Variants in DNA2 observed in about 807,000 individuals in gnomAD.
The protein encoded by DNA2 is DNA replication ATP-dependent helicase/nuclease DNA2.
DNA2 carries 101 observed loss-of-function variants against 119.1 expected under a neutral mutation model. That is an observed-to-expected ratio of 0.85 (90% CI 0.72 to 1.00). The LOEUF (loss-of-function observed/expected upper bound fraction) is 1.00, where lower values mean the gene tolerates loss of function less well. DNA2 is among the 50% of genes least tolerant of loss of function. The pLI is 0.00. For missense variants in DNA2, 1,121 were observed against 1,255.5 expected (o/e 0.89, Z 1.62); for synonymous variants, 366 against 424.4 (o/e 0.86, Z 1.69).
intron 1 of DNA2, 50 bp downstream of exon 1, chr10:68,471,741 T>C: frequency 6.6e-7 from 1 of 1,517,612 alleles, no homozygotes; most frequent in Non-Finnish European, 8.8e-7. Context: ...TCCCGCTCCT[T>C]CTTTCAAATC....
rs1472030540 is a variant in DNA2 at position 68,465,721 on chromosome 10, T to G, written c.533A>C (p.Lys178Thr). Residue 178 changes from lysine to threonine, a missense_variant, in exon 4 of 21, where the codon AAG (lysine) becomes ACG (threonine). Transcript: ENST00000358410. ...TGTTTGAAAAGCAAGTTCTTGTAGC[T>G]TTTCTGGGGCAAAGCTATTATTTAT... The part of the protein sequence containing the change: ...KAINNSFAPE[K>T]LQELAFQTIQ... 1.2e-6 allele frequency: 2 copies of G among 1,608,782 alleles called. No individual in the cohort carries two copies. Among genetic ancestry groups the G allele is most frequent in the Non-Finnish European group, 1.7e-6 (2 of 1,177,980 alleles).
chr10:68,424,719 G>A (rs1287048871), intron 14 of DNA2: 27 of 1,597,146 alleles, frequency 1.7e-5, no homozygotes, highest in Middle Eastern at 1.7e-4. Context: ...CAAGGACGAC[G>A]AGGTCCAGGT....
intron 7 of DNA2, 94 bp from the exon 8 acceptor site, chr10:68,445,177 T>G: frequency 1.7e-6 from 2 of 1,195,226 alleles, no homozygotes; most frequent in Non-Finnish European, 2.3e-6. Flanking sequence ...TTTAAAAACA[T>G]TTTAGGGCCG....
intron 10 of DNA2, among the ~76,000 whole-genome samples, chr10:68,433,795 A>T (rs573549958): frequency 6.6e-6 from 1 of 152,088 alleles, no homozygotes; most frequent in African/African-American, 2.4e-5. Context: ...TGATCTAATT[A>T]CTCTCTTCCT....
At chr10:68,448,932 GGT>G (rs776191186) in intron 6 of DNA2, among the ~76,000 whole-genome samples, 42,073 of 141,928 alleles carry the variant, frequency 0.3, 7,537 homozygotes, top group Middle Eastern at 0.41. Flanking sequence ...CACCACACCA[GGT>G]GTGTGTGTGT....
intron 20 of DNA2, among the ~76,000 whole-genome samples, chr10:68,416,256 G>A (rs1055090838): frequency 2.6e-5 from 4 of 152,042 alleles, no homozygotes; most frequent in Non-Finnish European, 5.9e-5. Context: ...CTTGAGCCCA[G>A]GTGTTCAAAA....
intron 14 of DNA2, among the ~76,000 whole-genome samples, chr10:68,427,658 C>A (rs1463390325): frequency 6.6e-6 from 1 of 150,416 alleles, no homozygotes; most frequent in Non-Finnish European, 1.5e-5. Context: ...CAAACACACA[C>A]ACACACACAC....
chr10:68,457,565 GT>G (rs2052200965), intron 5 of DNA2, among the ~76,000 whole-genome samples: 2 of 151,946 alleles, frequency 1.3e-5, no homozygotes, highest in Admixed American at 6.6e-5. Context: ...TTGTACAGTG[GT>G]ATAGAAACTC....
At chr10:68,445,642 C>A (rs1590063938) in intron 7 of DNA2, among the ~76,000 whole-genome samples, 1 of 152,002 alleles carries the variant, frequency 6.6e-6, no homozygotes, top group East Asian at 1.9e-4. Flanking sequence ...TTGATAAATT[C>A]TTTAAACTAT....
chr10:68,457,579 C>T (rs570974268), intron 5 of DNA2, among the ~76,000 whole-genome samples: 2 of 152,206 alleles, frequency 1.3e-5, no homozygotes, highest in South Asian at 4.2e-4. Context: ...AGAAACTCCA[C>T]AAAGTAGGCA....
At chr10:68,448,976 TG>T in intron 6 of DNA2, among the ~76,000 whole-genome samples, 1 of 140,086 alleles carries the variant, frequency 7.1e-6, no homozygotes, top group African/African-American at 2.7e-5. Context: ...TGCGTGTGTG[TG>T]TGTGTGTGTA....
At chr10:68,415,802 C>G (rs374598268) in intron 20 of DNA2, among the ~76,000 whole-genome samples, 8 of 152,120 alleles carry the variant, frequency 5.3e-5, no homozygotes, top group South Asian at 4.1e-4. Context: ...TACAGGCACA[C>G]GTCACCATGC....
At chr10:68,436,272 A>G (rs2051887554) in intron 10 of DNA2, among the ~76,000 whole-genome samples, 1 of 152,106 alleles carries the variant, frequency 6.6e-6, no homozygotes, top group Non-Finnish European at 1.5e-5. Context: ...ATGCTGAAAT[A>G]TGAATGAACT....
At chr10:68,453,575 A>G (rs1194212698) in intron 5 of DNA2, among the ~76,000 whole-genome samples, 2 of 152,190 alleles carry the variant, frequency 1.3e-5, no homozygotes, top group Admixed American at 1.3e-4. Context: ...GTGGTCCCAT[A>G]AGATTATAAT....
At position 68,422,295 on chromosome 10, in the gene DNA2, TAGTC is replaced by T; in HGVS notation, c.2623_2626del (p.Asp875IlefsTer7). On this transcript the variant is annotated frameshift_variant, in exon 17 of 21. Transcript: ENST00000358410. LOFTEE classifies it high-confidence loss of function. Reference sequence around the variant, plus strand: ...TCCCATCAACCAAGGATTATCAGAATAGTCAGCATAAAATTCCAGTTCCAGCTTC... The same window carrying T: ...TCCCATCAACCAAGGATTATCAGAATAGCATAAAATTCCAGTTCCAGCTTC... The T allele has an allele frequency of 1.2e-6, 2 of 1,613,908 alleles. No homozygotes were observed. The highest frequency in any genetic ancestry group is 1.7e-6 in the Non-Finnish European group (2 of 1,179,856).
At chr10:68,471,417 C>T (rs2133454467) in intron 1 of DNA2, among the ~76,000 whole-genome samples, 1 of 152,284 alleles carries the variant, frequency 6.6e-6, no homozygotes, top group South Asian at 2.1e-4. Flanking sequence ...TTTATATACA[C>T]CATGCTGAGG....
intron 1 of DNA2, chr10:68,470,573 T>C (rs190526125): frequency 1.3e-4 from 58 of 453,190 alleles, no homozygotes; most frequent in Admixed American, 9.7e-4. Context: ...ACGATCATGC[T>C]ACTGCACCCC....
intron 8 of DNA2, 78 bp downstream of exon 8, chr10:68,444,843 G>A (rs899228967): frequency 2.5e-5 from 25 of 1,008,610 alleles, no homozygotes; most frequent in East Asian, 8.3e-5. Flanking sequence ...ATCAATGCCC[G>A]TCTGGCCACC....
rs189049482 is a variant in DNA2, at chr10:68,468,919, G to A, written c.258-613C>T. Among the ~76,000 whole-genome samples, 384 of 151,758 alleles carry A rather than the reference G, an allele frequency of 2.5e-3. 2 individuals carry two copies. Among genetic ancestry groups the A allele is most frequent in the African/African-American group, 8.7e-3 (362 of 41,396 alleles). On this transcript the variant is annotated intron_variant, in intron 2 of 20. Transcript: ENST00000358410. ...ACAAAAATTAGCCGGGCGTGGTGGC[G>A]GACGCCTGTAATCCCAGCTACTTGT...
Sources: gnomAD v4.1 joint callset for allele counts (sites outside exome capture counted in the v4.1 genomes callset) on GRCh38, gnomAD v4.1.1 for gene constraint, MANE v1.5 for transcripts, NCBI Gene and HGNC (gene_info 2026-07-23, HGNC 2026-07-21) for gene names.